Variants in PHIP observed in about 807,000 individuals in gnomAD.
PHIP encodes PHIP subunit of CUL4-Ring ligase complex.
A neutral mutation model predicts 236.8 loss-of-function variants in PHIP; 54 were observed. The ratio of observed to expected loss-of-function variants is 0.23; its 90% CI spans 0.18 to 0.29. The LOEUF (loss-of-function observed/expected upper bound fraction) is 0.29. PHIP is among the 10% of genes least tolerant of loss of function. PHIP has a pLI of 1.00. For synonymous variants in PHIP, 756 were observed against 718.9 expected, an observed-to-expected ratio of 1.05 and a Z score of -0.83; for missense variants, 1,370 against 2,190.8, an observed-to-expected ratio of 0.63 and a Z score of 7.48.
At chr6:79,018,222 A>G (rs1770930227) in intron 10 of PHIP, among the ~76,000 whole-genome samples, 1 of 151,978 alleles carries the variant, frequency 6.6e-6, no homozygotes, top group Non-Finnish European at 1.5e-5. Flanking sequence ...TTGAAAAAGG[A>G]GTAAAAATTC....
At chr6:79,070,358 A>G (rs1392490823) in intron 4 of PHIP, among the ~76,000 whole-genome samples, 1 of 152,190 alleles carries the variant, frequency 6.6e-6, no homozygotes, top group East Asian at 1.9e-4. Flanking sequence ...ATCTTGAATG[A>G]CCAGTTTCAT....
At chr6:79,058,403 G>A (rs1239452909) in intron 6 of PHIP, among the ~76,000 whole-genome samples, 3 of 152,160 alleles carry the variant, frequency 2.0e-5, no homozygotes, top group South Asian at 2.1e-4. Context: ...CATCAACGAC[G>A]TGGCCTAAAA....
At chr6:79,014,960 G>A (rs2127740411) in intron 15 of PHIP, 122 bp downstream of exon 15, 1 of 667,000 alleles carries the variant, frequency 1.5e-6, no homozygotes, top group African/African-American at 1.8e-5. Context: ...TTTATTGATG[G>A]GAATTTAAAG....
chr6:79,036,590 A>G (rs981155182), intron 7 of PHIP, among the ~76,000 whole-genome samples: 2 of 152,072 alleles, frequency 1.3e-5, no homozygotes, highest in African/African-American at 4.8e-5. Flanking sequence ...ACATACACAC[A>G]TAACTCCATT....
chr6:78,952,389 A>C (rs959235933), intron 35 of PHIP, among the ~76,000 whole-genome samples: 1 of 149,708 alleles, frequency 6.7e-6, no homozygotes, highest in Non-Finnish European at 1.5e-5. Flanking sequence ...ACTGCACTCC[A>C]GCCTGGAGAC....
chr6:79,065,018 G>A (rs1289681925), intron 4 of PHIP, among the ~76,000 whole-genome samples: 2 of 152,120 alleles, frequency 1.3e-5, no homozygotes, highest in Non-Finnish European at 2.9e-5. Flanking sequence ...CAGAAACCAA[G>A]GAGCTGCATT....
At position 78,998,286 on chromosome 6, in the gene PHIP, G is replaced by C. The variant is rs1022306075; in HGVS notation, c.1985C>G (p.Ala662Gly). Residue 662 changes from alanine to glycine, a missense_variant, in exon 18 of 40, where the codon GCA becomes GGA. Ala to Gly is a moderately conservative substitution (Grantham distance 60). This residue lies in a region of PHIP where 133 missense variants were observed against 245.2 expected (regional missense o/e 0.54). Coordinates refer to ENST00000275034, the MANE Select transcript of PHIP (RefSeq NM_017934.7). ...TAAACGGCTGGTATTACTGATAACTGCTTCACCAGAACGTCTCAGGTCTTG... is the reference window on the plus strand; with the variant it reads ...TAAACGGCTGGTATTACTGATAACTCCTTCACCAGAACGTCTCAGGTCTTG... ...QEQDLRRSGEAVISNTSRLSR... is the reference protein window; with the variant it reads ...QEQDLRRSGEGVISNTSRLSR... The C allele has an allele frequency of 6.2e-7, 1 of 1,609,954 alleles. No individual in the cohort carries two copies. The highest frequency in any genetic ancestry group is 8.5e-7 in the Non-Finnish European group (1 of 1,176,416).
chr6:78,970,099 A>C lies in PHIP; in HGVS notation c.3072T>G (p.Ala1024=). ...GTTTACCAGTATCAGGATCTAGAAA[A>C]GCAAGTTTAAGGCAGCAAAGGGTAG... ...GLPTLCCLKL[A]FLDPDTGKLT... The change falls in exon 26 of 40, where the codon GCT becomes GCG. Residue 1024 remains alanine (A), a synonymous_variant. Coordinates refer to ENST00000275034, the MANE Select transcript of PHIP (RefSeq NM_017934.7). The C allele has an allele frequency of 6.2e-7, 1 of 1,613,538 alleles. No homozygotes were observed. Among genetic ancestry groups the C allele is most frequent in the Non-Finnish European group, 8.5e-7 (1 of 1,179,554 alleles).
At chr6:79,025,325 A>G (rs943919475) in intron 9 of PHIP, among the ~76,000 whole-genome samples, 194 bp downstream of exon 9, 5 of 152,126 alleles carry the variant, frequency 3.3e-5, no homozygotes, top group African/African-American at 1.2e-4. Context: ...TGTGAACATG[A>G]GAAACTTTCT....
chr6:79,026,279 C>G, intron 7 of PHIP, 115 bp from the exon 8 acceptor site: 1 of 769,644 alleles, frequency 1.3e-6, no homozygotes, highest in Non-Finnish European at 2.1e-6. Flanking sequence ...TTTTAAATAC[C>G]AAAAAGTGTT....
chr6:78,987,714 G>A (rs1351486421), intron 21 of PHIP, among the ~76,000 whole-genome samples: 1 of 152,094 alleles, frequency 6.6e-6, no homozygotes, highest in Non-Finnish European at 1.5e-5. Flanking sequence ...ATTTAGTAAG[G>A]ACAGTAATAT....
rs899582073 is a variant in PHIP, at chr6:78,941,978, A to G, written c.4829-648T>C. Among the ~76,000 whole-genome samples, 3 of 152,170 alleles carry G rather than the reference A, an allele frequency of 2.0e-5. No homozygotes were observed. In the South Asian group the frequency reaches 6.2e-4, roughly 32 times the overall value. On this transcript the variant is annotated intron_variant, in intron 39 of 39. Coordinates refer to ENST00000275034, the MANE Select transcript of PHIP (RefSeq NM_017934.7). ...CCTTTCTGTTGTAGAAAAAAATGCT[A>G]TAACTTAGATAAAGGAAAAATATGC...
Position 78,946,786 on chromosome 6 carries a change from T to C in PHIP, c.4295A>G (p.His1432Arg). ...LSDYKSALRFHKRNTITKRRK... is the reference protein window; with the variant it reads ...LSDYKSALRFRKRNTITKRRK... ...CCTTTTGGTTATGGTATTTCTTTTA[T>C]GAAAACGAAGAGCAGATTTATAATC... is the stretch of plus-strand genomic sequence containing the variant. The change falls in exon 37 of 40, where the codon CAT becomes CGT. Residue 1432 changes from histidine (H) to arginine (R), a missense_variant. Physicochemically the swap from His to Arg is conservative, Grantham distance 29. Around this residue, in one of 14 missense-constraint regions of PHIP, gnomAD observed 125 missense variants for 235.1 expected, o/e 0.53. Coordinates refer to ENST00000275034, the MANE Select transcript of PHIP (RefSeq NM_017934.7). The C allele has an allele frequency of 6.3e-7, 1 of 1,594,298 alleles. No homozygotes were observed. Among genetic ancestry groups the C allele is most frequent in the Non-Finnish European group, 8.5e-7 (1 of 1,172,002 alleles).
chr6:79,027,060 C>A (rs1771442803), intron 7 of PHIP, among the ~76,000 whole-genome samples: 1 of 152,008 alleles, frequency 6.6e-6, no homozygotes, highest in Non-Finnish European at 1.5e-5. Flanking sequence ...TAACGACCTT[C>A]CAATCTAATT....
At chr6:79,053,901 C>T (rs1772928848) in intron 6 of PHIP, among the ~76,000 whole-genome samples, 2 of 151,992 alleles carry the variant, frequency 1.3e-5, no homozygotes, top group African/African-American at 2.4e-5. Context: ...AACCTAAAAA[C>T]AAATGTTATC....
chr6:79,027,206 A>G (rs1350712956), intron 7 of PHIP, among the ~76,000 whole-genome samples: 1 of 152,178 alleles, frequency 6.6e-6, no homozygotes, highest in Non-Finnish European at 1.5e-5. Flanking sequence ...TAAATATAAC[A>G]TATTAATGTT....
chr6:78,975,572 G>C, intron 24 of PHIP, among the ~76,000 whole-genome samples: 1 of 152,168 alleles, frequency 6.6e-6, no homozygotes, highest in East Asian at 1.9e-4. Flanking sequence ...TAGGAAAAGA[G>C]GAAGTCAAAT....
intron 22 of PHIP, 82 bp from the exon 23 acceptor site, chr6:78,983,199 T>C (rs1477644410): frequency 2.8e-6 from 2 of 703,486 alleles, no homozygotes; most frequent in Non-Finnish European, 4.5e-6. Flanking sequence ...AGAAAGATTA[T>C]AATAAAGAGA....
intron 32 of PHIP, chr6:78,957,101 A>G (rs1417266924): frequency 6.6e-6 from 1 of 152,104 alleles, no homozygotes; most frequent in Non-Finnish European, 1.5e-5. Context: ...GAAATATACA[A>G]TACAAATGCT....
Sources: allele counts gnomAD v4.1 joint callset (sites outside exome capture counted in the v4.1 genomes callset), GRCh38; gene constraint gnomAD v4.1.1; regional missense constraint gnomAD v4.1.1; transcripts MANE v1.5; gene names NCBI Gene and HGNC (gene_info 2026-07-23, HGNC 2026-07-21).